PTPRN2: variants seen among roughly 807,000 people sequenced by gnomAD.
PTPRN2 encodes the protein protein tyrosine phosphatase receptor type N2, also known as receptor-type tyrosine-protein phosphatase N2.
In PTPRN2, 74 loss-of-function variants were observed where a neutral mutation model predicts 118.8. The ratio of observed to expected loss-of-function variants is 0.62; its 90% CI spans 0.52 to 0.76. PTPRN2 has a LOEUF of 0.76. Among genes scored for constraint, PTPRN2 ranks in the 30% least tolerant of loss-of-function variants. The pLI is 0.00. For synonymous variants in PTPRN2, 641 were observed against 608.0 expected, an observed-to-expected ratio of 1.05 and a Z score of -0.80; for missense variants, 1,481 against 1,394.4, an observed-to-expected ratio of 1.06 and a Z score of -0.99.
At position 158,555,223 on chromosome 7, in the gene PTPRN2, T is replaced by C. The variant is rs1193412797; in HGVS notation, c.112+32335A>G. Among the ~76,000 whole-genome samples the C allele has an allele frequency of 6.6e-6, 1 of 152,162 alleles. No individual in the cohort carries two copies. The highest frequency in any genetic ancestry group is 1.9e-4 in the East Asian group (1 of 5,188). On this transcript the variant is annotated intron_variant, in intron 1 of 22. Transcript: ENST00000389418. The surrounding 1 kb of genome is among the most constrained non-coding windows in gnomAD (Gnocchi z 4.7). ...AACTCCGCCAGAGGAAATCACAAGT[T>C]TTCCATCTTCAGCAGCTCTTACGAC...
chr7:158,152,413 G>A (rs1821285307), intron 6 of PTPRN2, among the ~76,000 whole-genome samples: 1 of 152,150 alleles, frequency 6.6e-6, no homozygotes, highest in Non-Finnish European at 1.5e-5. Context: ...CTAAGGCCGT[G>A]GGCAGAAGCT....
Position 157,574,755 on chromosome 7 carries a change from T to G in PTPRN2, c.2783+1858A>C, listed in dbSNP as rs1396114200. On this transcript the variant is annotated intron_variant, in intron 19 of 22. Transcript: ENST00000389418. ...GTGTCTTCAGAAGGGGTCTCACCTTTCCTGTCGCTGAAATCGGGGTGGCTA... is the reference window on the plus strand; with the variant it reads ...GTGTCTTCAGAAGGGGTCTCACCTTGCCTGTCGCTGAAATCGGGGTGGCTA... Among the ~76,000 whole-genome samples the G allele has an allele frequency of 2.0e-5, 3 of 152,202 alleles. No homozygotes were observed. In the East Asian group the frequency reaches 5.8e-4, roughly 29 times the overall value.
intron 1 of PTPRN2, among the ~76,000 whole-genome samples, chr7:158,503,013 CCAT>C (rs950950757): frequency 3.3e-5 from 5 of 150,636 alleles, no homozygotes; most frequent in Non-Finnish European, 7.4e-5. Context: ...GCCACTGTGT[CCAT>C]CAACTACTGT....
intron 12 of PTPRN2, among the ~76,000 whole-genome samples, chr7:157,844,049 C>A (rs1304615635): frequency 2.0e-5 from 3 of 150,728 alleles, no homozygotes; most frequent in African/African-American, 7.3e-5. Context: ...CCCTCCACGT[C>A]ATCGGTGTGG....
intron 11 of PTPRN2, among the ~76,000 whole-genome samples, chr7:157,915,108 T>C (rs1439010157): frequency 1.3e-5 from 2 of 152,246 alleles, no homozygotes; most frequent in Admixed American, 6.5e-5. Flanking sequence ...CTATGTCCAA[T>C]AGTTACAATA....
chr7:158,160,285 A>C (rs1035707675), intron 6 of PTPRN2, among the ~76,000 whole-genome samples: 111 of 152,240 alleles, frequency 7.3e-4, no homozygotes, highest in African/African-American at 2.4e-3. Context: ...GGTCTGCCTC[A>C]GTGTTGGTGG....
At chr7:157,737,486 G>A (rs757863822) in intron 12 of PTPRN2, among the ~76,000 whole-genome samples, 8 of 152,246 alleles carry the variant, frequency 5.3e-5, no homozygotes, top group African/African-American at 1.2e-4. Context: ...GAAGCTAAGC[G>A]TTGTGCCCGG....
chr7:158,012,707 C>T (rs1806137788), intron 11 of PTPRN2, among the ~76,000 whole-genome samples: 1 of 152,332 alleles, frequency 6.6e-6, no homozygotes, highest in East Asian at 1.9e-4. Flanking sequence ...TCCCAGGTCA[C>T]CTCTTGGACC....
rs1796956623 is a variant in PTPRN2 at position 157,893,963 on chromosome 7, G to A, written c.1788+4710C>T. Among the ~76,000 whole-genome samples the A allele has an allele frequency of 6.6e-6, 1 of 152,194 alleles. No homozygotes were observed. The highest frequency in any genetic ancestry group is 1.5e-5 in the Non-Finnish European group (1 of 68,046). On this transcript the variant is annotated intron_variant, in intron 12 of 22. Transcript: ENST00000389418. This position sits in a 1 kb window ranked among gnomAD's most constrained non-coding sequence, Gnocchi z 4.0. ...AGGGGACGGCTGGGTTCTGCCTTCA[G>A]AGGAAACAATGGGCCTTATTCCTCG... is the stretch of plus-strand genomic sequence containing the variant.
At chr7:158,347,739 T>C (rs1807622213) in intron 2 of PTPRN2, among the ~76,000 whole-genome samples, 1 of 152,232 alleles carries the variant, frequency 6.6e-6, no homozygotes, top group Non-Finnish European at 1.5e-5. Context: ...TCAATGAACA[T>C]GGGATACCTT....
intron 11 of PTPRN2, among the ~76,000 whole-genome samples, chr7:157,963,033 G>A (rs1413378569): frequency 1.3e-5 from 2 of 152,218 alleles, no homozygotes; most frequent in Non-Finnish European, 2.9e-5. Context: ...ACCTCGCAAG[G>A]CAGCATGCAG....
intron 11 of PTPRN2, among the ~76,000 whole-genome samples, chr7:158,069,169 T>C (rs1811015484): frequency 6.6e-6 from 1 of 152,158 alleles, no homozygotes; most frequent in Non-Finnish European, 1.5e-5. Context: ...TCTTATCAGC[T>C]CAAGATCCTC....
At chr7:158,285,464 A>T (rs975030554) in intron 3 of PTPRN2, among the ~76,000 whole-genome samples, 1 of 152,166 alleles carries the variant, frequency 6.6e-6, no homozygotes, top group Non-Finnish European at 1.5e-5. Flanking sequence ...GCACAAGCAG[A>T]GCTGAGCGCT....
At chr7:158,259,979 T>C (rs1342391544) in intron 3 of PTPRN2, among the ~76,000 whole-genome samples, 2 of 150,854 alleles carry the variant, frequency 1.3e-5, no homozygotes, top group Non-Finnish European at 2.9e-5. Context: ...TCCCTTTGTG[T>C]ACACATATGT....
chr7:157,567,410 A>AGGTGTGG (rs1366617126), intron 21 of PTPRN2, among the ~76,000 whole-genome samples: 1 of 152,140 alleles, frequency 6.6e-6, no homozygotes, highest in Non-Finnish European at 1.5e-5. Flanking sequence ...GGTGTTGGGT[A>AGGTGTGG]GGTGTGGGGT....
chr7:158,166,607 A>ATCT lies in PTPRN2; in HGVS notation c.910+323_910+324insAGA, dbSNP rs1390477818. On this transcript the variant is annotated intron_variant, in intron 6 of 22. Transcript: ENST00000389418. ...TCCCTGTCCTCACACCCTCAGGATC[A>ATCT]CCTCCCCTCCCACTGGCCGCTGTGT... Among the ~76,000 whole-genome samples the ATCT allele has an allele frequency of 5.4e-3, 710 of 132,196 alleles. 2 individuals are homozygous for ATCT. The highest frequency in any genetic ancestry group is 8.6e-3 in the Non-Finnish European group (532 of 61,926). The allele number at this position is 132,196 out of a possible 152,430, so 86.7% of individuals were successfully genotyped here. A position where few individuals can be genotyped will look rare whatever the true frequency, so the allele number is the denominator to read the frequency against.
intron 2 of PTPRN2, among the ~76,000 whole-genome samples, chr7:158,482,977 T>C (rs1006356555): frequency 4.6e-5 from 7 of 152,208 alleles, no homozygotes; most frequent in African/African-American, 1.7e-4. Flanking sequence ...GGGGCCTCCC[T>C]ATGCCCAGAG....
At chr7:158,503,925 C>T (rs971274801) in intron 1 of PTPRN2, among the ~76,000 whole-genome samples, 46 of 150,580 alleles carry the variant, frequency 3.1e-4, no homozygotes, top group Admixed American at 4.6e-4. Context: ...CGCTTGAACC[C>T]GGGAGTCGGA....
chr7:157,713,659 A>G (rs1231330790), intron 12 of PTPRN2, among the ~76,000 whole-genome samples: 1 of 152,164 alleles, frequency 6.6e-6, no homozygotes, highest in Admixed American at 6.5e-5. Flanking sequence ...CGGTTCCCAC[A>G]ATCTACCTGT....
Sources: gnomAD v4.1 joint callset for allele counts (sites outside exome capture counted in the v4.1 genomes callset) on GRCh38, gnomAD v4.1.1 for gene constraint, Gnocchi (gnomAD v3.1) non-coding constraint, MANE v1.5 for transcripts, NCBI Gene and HGNC (gene_info 2026-07-23, HGNC 2026-07-21) for gene names.